CACNA2D3: variants seen among roughly 807,000 people sequenced by gnomAD.
CACNA2D3 encodes calcium voltage-gated channel auxiliary subunit alpha2delta 3.
CACNA2D3 carries 60 observed loss-of-function variants against 160.6 expected under a neutral mutation model. The ratio of observed to expected loss-of-function variants is 0.37; its 90% CI spans 0.30 to 0.46. CACNA2D3 has a LOEUF of 0.46. Ranked by LOEUF, CACNA2D3 falls within the 20% of genes least tolerant of loss-of-function variation. The probability of loss-of-function intolerance (pLI) is 1.00; values close to 1 mark genes in which losing one functional copy is unlikely to be tolerated. For synonymous variants in CACNA2D3, 558 were observed against 492.9 expected (o/e 1.13, Z -1.75); for missense variants, 1,205 against 1,365.0 (o/e 0.88, Z 1.85).
rs1426211332 is a variant in CACNA2D3, at chr3:55,018,188, T to C, written c.2876-18T>C. The C allele has an allele frequency of 6.5e-7, 1 of 1,540,468 alleles. No homozygotes were observed. ...TGCCTTGCATTCTTTACCTTTTTTT[T>C]TCCCACTATCCCTACAGCCCAGAAA... On this transcript the variant is annotated intron_variant, in intron 34 of 37. Coordinates refer to ENST00000474759, the MANE Select transcript of CACNA2D3 (RefSeq NM_018398.3).
chr3:54,364,480 G>C (rs182340064), intron 3 of CACNA2D3, among the ~76,000 whole-genome samples: 94 of 152,290 alleles, frequency 6.2e-4, no homozygotes, highest in Non-Finnish European at 1.0e-3. Context: ...AATGATGGAC[G>C]GCAATTTTAT....
chr3:54,547,157 G>A lies in CACNA2D3; in HGVS notation c.545-15643G>A, dbSNP rs150105512. 5.7e-4 allele frequency among the ~76,000 whole-genome samples: 87 copies of A among 152,248 alleles called. 2 individuals are homozygous for A. In the East Asian group the frequency reaches 0.015, roughly 25 times the overall value. On this transcript the variant is annotated intron_variant, in intron 5 of 37. Coordinates refer to ENST00000474759, the MANE Select transcript of CACNA2D3 (RefSeq NM_018398.3). ...ATTTATAGGGTGAATGAGGTCCAGC[G>A]CAAAGATGGCTGGAGTCCTTGTTAA...
chr3:54,346,244 G>C (rs150204676), intron 3 of CACNA2D3, among the ~76,000 whole-genome samples: 1 of 152,146 alleles, frequency 6.6e-6, no homozygotes, highest in Non-Finnish European at 1.5e-5. Flanking sequence ...AGAAGCCTCC[G>C]TCAGAGCAAC....
intron 2 of CACNA2D3, among the ~76,000 whole-genome samples, chr3:54,294,360 C>T (rs917888057): frequency 6.6e-6 from 1 of 152,176 alleles, no homozygotes; most frequent in African/African-American, 2.4e-5. Context: ...GGAACAGGTT[C>T]AGTTTAGGCC....
At chr3:54,449,324 A>G (rs1231496830) in intron 4 of CACNA2D3, among the ~76,000 whole-genome samples, 1 of 152,200 alleles carries the variant, frequency 6.6e-6, no homozygotes, top group African/African-American at 2.4e-5. Flanking sequence ...ATTTATCTCT[A>G]TGTGTAGCTG....
At chr3:54,231,008 G>A (rs1444007187) in intron 2 of CACNA2D3, among the ~76,000 whole-genome samples, 1 of 152,180 alleles carries the variant, frequency 6.6e-6, no homozygotes, top group African/African-American at 2.4e-5. Context: ...GACTTGGATG[G>A]ACTCCATTTC....
chr3:54,454,117 G>A (rs369299009), intron 4 of CACNA2D3, among the ~76,000 whole-genome samples: 20 of 152,260 alleles, frequency 1.3e-4, no homozygotes, highest in East Asian at 1.2e-3. Flanking sequence ...ACCCTCCACT[G>A]ATTCTTGGCC....
chr3:54,620,998 T>C (rs1421787063), intron 9 of CACNA2D3, among the ~76,000 whole-genome samples: 1 of 152,038 alleles, frequency 6.6e-6, no homozygotes, highest in African/African-American at 2.4e-5. Flanking sequence ...CATGGTGGAG[T>C]TGCTGCAACA....
intron 3 of CACNA2D3, among the ~76,000 whole-genome samples, chr3:54,381,359 C>T (rs1359017008): frequency 6.6e-6 from 1 of 152,016 alleles, no homozygotes; most frequent in African/African-American, 2.4e-5. Context: ...GTGATAAAAT[C>T]AGGAGTCCAG....
intron 4 of CACNA2D3, among the ~76,000 whole-genome samples, chr3:54,393,685 G>C (rs1699321735): frequency 6.6e-6 from 1 of 152,232 alleles, no homozygotes; most frequent in Non-Finnish European, 1.5e-5. Flanking sequence ...GAGCTAAAGA[G>C]GTACATCAAC....
intron 27 of CACNA2D3, among the ~76,000 whole-genome samples, chr3:54,936,694 C>T (rs529526587): frequency 3.3e-5 from 5 of 152,142 alleles, no homozygotes; most frequent in East Asian, 1.9e-4. Flanking sequence ...CCAGTCAGCC[C>T]GTCGCTAGTA....
At chr3:54,678,720 C>CAAGAAAAA (rs1700287333) in intron 11 of CACNA2D3, among the ~76,000 whole-genome samples, 2 of 45,902 alleles carry the variant, frequency 4.4e-5, no homozygotes, top group Non-Finnish European at 7.1e-5. Context: ...GACTCGGTCT[C>CAAGAAAAA]AAAAAAAAAA....
intron 2 of CACNA2D3, among the ~76,000 whole-genome samples, chr3:54,194,917 T>TGGA (rs1356224926): frequency 2.6e-5 from 4 of 152,178 alleles, no homozygotes; most frequent in African/African-American, 9.7e-5. Flanking sequence ...ATTTAGACCA[T>TGGA]AGTAGGGCCC....
chr3:54,747,672 A>T (rs530013282), intron 11 of CACNA2D3, among the ~76,000 whole-genome samples: 3 of 152,234 alleles, frequency 2.0e-5, no homozygotes, highest in South Asian at 4.2e-4. Flanking sequence ...AGGTGACTGC[A>T]TTCCATTAAC....
At chr3:54,738,790 C>T (rs1476156807) in intron 11 of CACNA2D3, among the ~76,000 whole-genome samples, 1 of 152,188 alleles carries the variant, frequency 6.6e-6, no homozygotes, top group Non-Finnish European at 1.5e-5. Context: ...CCTTATCTGT[C>T]ACAATGCCTT....
chr3:54,349,027 C>T (rs532338109), intron 3 of CACNA2D3, among the ~76,000 whole-genome samples: 25 of 152,284 alleles, frequency 1.6e-4, no homozygotes, highest in African/African-American at 5.8e-4. Flanking sequence ...TGCGCCCGTC[C>T]GACTGTTACT....
chr3:54,769,221 G>A (rs1049225603), intron 13 of CACNA2D3, among the ~76,000 whole-genome samples: 2 of 152,018 alleles, frequency 1.3e-5, no homozygotes, highest in Admixed American at 6.6e-5. Context: ...GAAGATCAAG[G>A]GGGAGATGAG....
intron 14 of CACNA2D3, among the ~76,000 whole-genome samples, chr3:54,822,829 T>C (rs1350132624): frequency 4.5e-5 from 5 of 111,604 alleles, no homozygotes; most frequent in African/African-American, 1.7e-4. Context: ...CTTTCTTTCT[T>C]TCTTTTCTTT....
At chr3:54,491,010 T>G (rs1701100445) in intron 4 of CACNA2D3, among the ~76,000 whole-genome samples, 1 of 152,174 alleles carries the variant, frequency 6.6e-6, no homozygotes, top group Non-Finnish European at 1.5e-5. Context: ...GAGGCACATA[T>G]AAGGAATATA....
Sources: allele counts gnomAD v4.1 joint callset (sites outside exome capture counted in the v4.1 genomes callset), GRCh38; gene constraint gnomAD v4.1.1; transcripts MANE v1.5; gene names NCBI Gene and HGNC (gene_info 2026-07-23, HGNC 2026-07-21).